AFF2: variants seen among roughly 807,000 people sequenced by gnomAD.
AFF2 encodes ALF transcription elongation factor 2.
A neutral mutation model predicts 76.9 loss-of-function variants in AFF2; 14 were observed. The observed-to-expected ratio is 0.18, with a 90% CI of 0.12 to 0.28. The LOEUF is 0.28. Among genes scored for constraint, AFF2 ranks in the 10% least tolerant of loss-of-function variants. The pLI is 1.00. For synonymous variants in AFF2, 398 were observed against 366.7 expected (o/e 1.09, Z -0.98); for missense variants, 868 against 1,001.1 (o/e 0.87, Z 1.79).
At chrX:148,719,525 G>A (rs2055067214) in intron 3 of AFF2, among the ~76,000 whole-genome samples, 1 of 111,711 alleles carries the variant, frequency 9.0e-6, no homozygotes, top group African/African-American at 3.3e-5. Context: ...GATTGGATCT[G>A]AGATTCTCAC....
chrX:148,709,063 A>G (rs1427544973), intron 3 of AFF2, among the ~76,000 whole-genome samples: 1 of 111,656 alleles, frequency 9.0e-6, no homozygotes, highest in South Asian at 3.7e-4. Context: ...ACAGAGTATT[A>G]TATTTGTGAA....
intron 1 of AFF2, among the ~76,000 whole-genome samples, chrX:148,504,620 A>G (rs2052387490): frequency 8.8e-6 from 1 of 113,275 alleles, no homozygotes; most frequent in South Asian, 3.6e-4. Context: ...AAGGCTGAGA[A>G]GGGGCCATGT....
chrX:148,512,101 C>G (rs1291339545), intron 1 of AFF2, among the ~76,000 whole-genome samples: 1 of 110,922 alleles, frequency 9.0e-6, no homozygotes, highest in African/African-American at 3.3e-5. Flanking sequence ...TAAATTGGGT[C>G]TCATAATCAG....
intron 8 of AFF2, among the ~76,000 whole-genome samples, chrX:148,890,650 A>C (rs781919512): frequency 8.9e-6 from 1 of 112,247 alleles, no homozygotes; most frequent in African/African-American, 3.2e-5. Context: ...GATCTGCACC[A>C]AGTCCTCCAG....
At chrX:148,977,484 A>G (rs1220893049) in intron 16 of AFF2, among the ~76,000 whole-genome samples, 1 of 110,919 alleles carries the variant, frequency 9.0e-6, no homozygotes, top group Non-Finnish European at 1.9e-5. Context: ...CATGTCAGAC[A>G]TAGTTATATA....
At chrX:148,583,659 CAA>C (rs1557245406) in intron 1 of AFF2, among the ~76,000 whole-genome samples, 1 of 111,501 alleles carries the variant, frequency 9.0e-6, no homozygotes, top group African/African-American at 3.3e-5. Flanking sequence ...TCAATATAGA[CAA>C]AGACACACAT....
chrX:148,980,108 A>T (rs2124416171), intron 18 of AFF2, among the ~76,000 whole-genome samples: 1 of 112,093 alleles, frequency 8.9e-6, no homozygotes, highest in East Asian at 2.8e-4. Context: ...TGTGGTCTTG[A>T]AAATACAAGG....
At chrX:148,921,419 C>T (rs1014136949) in intron 9 of AFF2, among the ~76,000 whole-genome samples, 4 of 112,412 alleles carry the variant, frequency 3.6e-5, no homozygotes, top group Admixed American at 9.4e-5. Context: ...CCTCATTTCT[C>T]CCTCCAGTAA....
chrX:148,946,455 G>A (rs1426387194), intron 9 of AFF2, among the ~76,000 whole-genome samples: 7 of 112,421 alleles, frequency 6.2e-5, no homozygotes, highest in Non-Finnish European at 1.3e-4. Flanking sequence ...TATTGCTGCC[G>A]TGACAAATTA....
chrX:148,696,401 A>G (rs2054723030), intron 3 of AFF2, among the ~76,000 whole-genome samples: 1 of 110,623 alleles, frequency 9.0e-6, no homozygotes, highest in South Asian at 3.9e-4. Flanking sequence ...ACACATATGT[A>G]ACAAACCTGC....
rs374686590 is a variant in AFF2, at chrX:148,581,600, A to C, written c.48-70399A>C. 5.3e-5 allele frequency among the ~76,000 whole-genome samples: 5 copies of C among 95,171 alleles called. 1 individual carries two copies. Among genetic ancestry groups the C allele is most frequent in the Admixed American group, 2.1e-4 (2 of 9,395 alleles). 82.6% of individuals were successfully genotyped at this position (95,171 alleles called of 115,157 possible). ...TATACGTGTACACACATATATACGT[A>C]TACGTGTACACACATATATACGTAT... On this transcript the variant is annotated intron_variant, in intron 1 of 20. Transcript: ENST00000370460.
At chrX:148,785,113 ATGTG>A (rs2124616674) in intron 3 of AFF2, among the ~76,000 whole-genome samples, 1 of 112,384 alleles carries the variant, frequency 8.9e-6, no homozygotes, top group Non-Finnish European at 1.9e-5. Flanking sequence ...TTGTGTGAGT[ATGTG>A]TGTACGCATG....
chrX:148,801,484 A>C (rs1256490153), intron 3 of AFF2, among the ~76,000 whole-genome samples: 6 of 111,462 alleles, frequency 5.4e-5, no homozygotes, highest in African/African-American at 2.0e-4. Context: ...GACAAGTACC[A>C]TGTCATCTTC....
chrX:148,916,354 C>A (rs1223632476), intron 9 of AFF2, among the ~76,000 whole-genome samples: 1 of 107,305 alleles, frequency 9.3e-6, no homozygotes, highest in Non-Finnish European at 1.9e-5. Context: ...GGACTACAGG[C>A]GCCCGCCACC....
intron 1 of AFF2, among the ~76,000 whole-genome samples, chrX:148,615,734 T>C (rs1455099976): frequency 9.0e-6 from 1 of 111,650 alleles, no homozygotes; most frequent in African/African-American, 3.3e-5. Context: ...ATTCTTGTGT[T>C]AATTTCTGCA....
chrX:148,676,701 A>G (rs782727247), intron 3 of AFF2, among the ~76,000 whole-genome samples: 1 of 111,993 alleles, frequency 8.9e-6, no homozygotes, highest in East Asian at 2.8e-4. Context: ...TATGATTGGA[A>G]GTTTTCTTGG....
intron 9 of AFF2, among the ~76,000 whole-genome samples, chrX:148,943,001 C>G (rs1557285770): frequency 9.0e-6 from 1 of 110,853 alleles, no homozygotes; most frequent in Admixed American, 9.6e-5. Flanking sequence ...TTGACTTTGA[C>G]CACATCTTTA....
chrX:148,710,726 C>T (rs1319708008), intron 3 of AFF2, among the ~76,000 whole-genome samples: 1 of 111,765 alleles, frequency 8.9e-6, no homozygotes, highest in Admixed American at 9.5e-5. Context: ...ATAATTTGCA[C>T]AATGGGTTTA....
At chrX:148,922,511 A>G (rs1340730792) in intron 9 of AFF2, among the ~76,000 whole-genome samples, 1 of 112,267 alleles carries the variant, frequency 8.9e-6, no homozygotes, top group Non-Finnish European at 1.9e-5. Context: ...ATTCAAATGC[A>G]GCACCATTTG....
Sources: gnomAD v4.1 joint callset for allele counts (sites outside exome capture counted in the v4.1 genomes callset) on GRCh38, gnomAD v4.1.1 for gene constraint, MANE v1.5 for transcripts, NCBI Gene and HGNC (gene_info 2026-07-23, HGNC 2026-07-21) for gene names.